SEMA4D: variants seen among roughly 807,000 people sequenced by gnomAD.
SEMA4D encodes the protein semaphorin-4D.
In SEMA4D, 22 loss-of-function variants were observed where a neutral mutation model predicts 74.8. The ratio of observed to expected loss-of-function variants is 0.29; its 90% confidence interval spans 0.21 to 0.42. SEMA4D has a LOEUF of 0.42. Among genes scored for constraint, SEMA4D ranks in the 10% least tolerant of loss-of-function variants. The pLI, the probability that SEMA4D is intolerant of heterozygous loss-of-function variation, is 1.00. For missense variants in SEMA4D, 937 were observed against 1,118.4 expected (o/e 0.84, Z 2.31); for synonymous variants, 445 against 463.7 (o/e 0.96, Z 0.52).
chr9:89,379,049 G>C lies in SEMA4D; in HGVS notation c.2244C>G (p.Leu748=). The C allele has an allele frequency of 1.2e-6, 2 of 1,612,770 alleles. No homozygotes were observed. Among genetic ancestry groups the C allele is most frequent in the South Asian group, 2.2e-5 (2 of 90,960 alleles). Residue 748 remains leucine (L), a synonymous_variant, in exon 16 of 16, where the codon CTC becomes CTG. Coordinates refer to ENST00000422704, the MANE Select transcript of SEMA4D (RefSeq NM_001371194.2). ...TATAGCAGTTGTAGAAAAAGAGGCA[G>C]AGGAAGAGAACAAAGAAGAAGAGGA... ...SLFLFFFVLF[L]CLFFYNCYKG...
At chr9:89,450,686 A>AAAAAAAAAAAAAAAAAAAAAAAAC in intron 2 of SEMA4D, 3 of 945,104 alleles carry the variant, frequency 3.2e-6, no homozygotes, top group African/African-American at 1.8e-5. Context: ...AAAAAAAAAA[A>AAAAAAAAAAAAAAAAAAAAAAAAC]AGGCCTCCAA....
chr9:89,438,964 CTTTTTTTTTTTTTTTTTTTTTTTT>C (rs57394947), intron 2 of SEMA4D, among the ~76,000 whole-genome samples: 2 of 38,190 alleles, frequency 5.2e-5, no homozygotes, highest in Non-Finnish European at 8.7e-5. Flanking sequence ...CGCACCGGGC[CTTTTTTTTTTTTTTTTTTTTTTTT>C]TTTTTTTTTT....
chr9:89,450,296 G>A lies in SEMA4D; in HGVS notation c.-244+5592C>T, dbSNP rs750042596. 677 of 919,274 alleles carry A rather than the reference G, an allele frequency of 7.4e-4. 1 individual carries two copies. The highest frequency in any genetic ancestry group is 1.0e-3 in the Non-Finnish European group (566 of 547,340). 56.9% of individuals were successfully genotyped at this position (919,274 alleles called of 1,614,324 possible). On this transcript the variant is annotated intron_variant, in intron 2 of 15. Transcript: ENST00000422704. ...AGGATGCAGGAGAGAGAACCACTATGTACAAATGAGACCCCTCCAAACAGT... is the reference window on the plus strand; with the variant it reads ...AGGATGCAGGAGAGAGAACCACTATATACAAATGAGACCCCTCCAAACAGT...
At chr9:89,421,101 C>T (rs987096986) in intron 2 of SEMA4D, among the ~76,000 whole-genome samples, 7 of 152,210 alleles carry the variant, frequency 4.6e-5, no homozygotes, top group African/African-American at 1.7e-4. Flanking sequence ...CACGGGGGAT[C>T]GGGGCTTCCC....
chr9:89,386,930 G>A (rs1011961152), intron 12 of SEMA4D, among the ~76,000 whole-genome samples: 1 of 137,846 alleles, frequency 7.3e-6, no homozygotes, highest in African/African-American at 3.1e-5. Flanking sequence ...CCTGGCCCCT[G>A]TCCCTGTTCC....
chr9:89,392,273 TGC>T, intron 8 of SEMA4D, 148 bp downstream of exon 8: 1 of 602,964 alleles, frequency 1.7e-6, no homozygotes, highest in South Asian at 2.1e-5. Flanking sequence ...CTCTGGCCAT[TGC>T]TGGACAGTTT....
intron 1 of SEMA4D, among the ~76,000 whole-genome samples, chr9:89,459,883 T>G (rs1856824136): frequency 6.6e-6 from 1 of 152,182 alleles, no homozygotes; most frequent in South Asian, 2.1e-4. Context: ...ACACACCCTA[T>G]TCTGTGTAAA....
At position 89,405,670 on chromosome 9, in the gene SEMA4D, T is replaced by A; in HGVS notation, c.-214A>T. The stretch of plus-strand genomic sequence containing the variant: ...CACCACCGCAATGTCAAAGCCCACT[T>A]GATACTTCTTCAGGGCCTCAGAAGA... On this transcript the variant is annotated 5_prime_UTR_variant, in exon 3 of 16. Transcript: ENST00000422704. 1 of 1,413,808 alleles carries A rather than the reference T, an allele frequency of 7.1e-7. No individual in the cohort carries two copies. The allele number at this position is 1,413,808 out of a possible 1,614,324, so 87.6% of individuals were successfully genotyped here.
chr9:89,395,912 C>T (rs1212662361), intron 6 of SEMA4D, among the ~76,000 whole-genome samples: 1 of 152,186 alleles, frequency 6.6e-6, no homozygotes. Flanking sequence ...TTACATTTAT[C>T]AGGACTCATT....
chr9:89,450,555 A>T, intron 2 of SEMA4D: 1 of 1,064,910 alleles, frequency 9.4e-7, no homozygotes, highest in East Asian at 2.4e-5. Flanking sequence ...CCCCATGCAG[A>T]TAACCAGTGG....
chr9:89,410,787 A>G (rs914657912), intron 2 of SEMA4D, among the ~76,000 whole-genome samples: 4 of 152,232 alleles, frequency 2.6e-5, no homozygotes, highest in Non-Finnish European at 5.9e-5. Context: ...AAGGAGGGTT[A>G]CATGAGGCTT....
At chr9:89,449,383 C>T (rs947667238) in intron 2 of SEMA4D, among the ~76,000 whole-genome samples, 1 of 152,210 alleles carries the variant, frequency 6.6e-6, no homozygotes, top group South Asian at 2.1e-4. Context: ...ACCTACCAGG[C>T]GAGCCACAGG....
chr9:89,410,019 G>A (rs562688033), intron 2 of SEMA4D, among the ~76,000 whole-genome samples: 1 of 127,530 alleles, frequency 7.8e-6, no homozygotes, highest in South Asian at 2.6e-4. Flanking sequence ...TAGGTGAGCA[G>A]TAACCAACGG....
At chr9:89,461,079 G>A (rs1402796762) in intron 1 of SEMA4D, among the ~76,000 whole-genome samples, 1 of 152,074 alleles carries the variant, frequency 6.6e-6, no homozygotes, top group Non-Finnish European at 1.5e-5. Flanking sequence ...TAAGATCACT[G>A]CAAACTGCAA....
chr9:89,451,079 C>T (rs1854385763), intron 2 of SEMA4D, among the ~76,000 whole-genome samples: 1 of 152,172 alleles, frequency 6.6e-6, no homozygotes, highest in African/African-American at 2.4e-5. Flanking sequence ...AGGTTTGTAA[C>T]CCTACGATAG....
At chr9:89,488,578 G>A (rs980058869) in intron 1 of SEMA4D, among the ~76,000 whole-genome samples, 2 of 151,868 alleles carry the variant, frequency 1.3e-5, no homozygotes, top group African/African-American at 4.8e-5. Context: ...TCACCATATT[G>A]GCCAGGCTGG....
In SEMA4D at chr9:89,402,923, C is replaced by T. The variant is rs777268055; in HGVS notation, c.200G>A (p.Arg67Gln). The change falls in exon 4 of 16, where the codon CGG (arginine) becomes CAG (glutamine). Residue 67 changes from arginine to glutamine, a missense_variant. Transcript: ENST00000422704. The stretch of plus-strand genomic sequence containing the variant: ...TGCGTTCACAGCGAAGACCGCCTCC[C>T]GGGCACCTATGTACAAGGTGTCCTT... ...EDKDTLYIGA[R>Q]EAVFAVNALN... 14 of 1,614,022 alleles carry T rather than the reference C, an allele frequency of 8.7e-6. No individual in the cohort carries two copies. The highest frequency in any genetic ancestry group is 5.0e-5 in the Admixed American group (3 of 60,006).
chr9:89,497,584 C>T (rs1416299244), intron 1 of SEMA4D, among the ~76,000 whole-genome samples: 1 of 151,734 alleles, frequency 6.6e-6, no homozygotes, highest in South Asian at 2.1e-4. Flanking sequence ...CCCGCTCCCC[C>T]GCGCCCAGAG....
chr9:89,363,501 TG>T lies in SEMA4D; in HGVS notation c.2118del (p.Arg707GlufsTer16), dbSNP rs767119433. On this transcript the variant is annotated frameshift_variant, in exon 18 of 19. Coordinates refer to the SEMA4D transcript ENST00000339861. LOFTEE classifies it high-confidence loss of function. ...ACAGCCCTCCAGGCAGAGAGCTCTC[TG>T]GTCCACCTCTCCTGGTGGGTCACTT... The T allele has an allele frequency of 1.9e-6, 3 of 1,613,990 alleles. No homozygotes were observed. In the Admixed American group the frequency reaches 5.0e-5, roughly 27 times the overall value.
Sources: gnomAD v4.1 joint callset for allele counts (sites outside exome capture counted in the v4.1 genomes callset) on GRCh38, gnomAD v4.1.1 for gene constraint, MANE v1.5 for transcripts, NCBI Gene and HGNC (gene_info 2026-07-23, HGNC 2026-07-21) for gene names.